The following BCL7B variants were observed in gnomAD, a reference collection of about 807,000 sequenced individuals.
BCL7B encodes the protein BAF chromatin remodeling complex subunit BCL7B, also known as B-cell CLL/lymphoma 7 protein family member B.
BCL7B carries 11 observed loss-of-function variants against 26.5 expected under a neutral mutation model. That is an observed-to-expected ratio of 0.42 (90% CI 0.26 to 0.69). The LOEUF (loss-of-function observed/expected upper bound fraction) is 0.69, where lower values mean the gene tolerates loss of function less well. Among genes scored for constraint, BCL7B ranks in the 30% least tolerant of loss-of-function variants. The pLI, the probability that BCL7B is intolerant of heterozygous loss-of-function variation, is 0.28. For missense variants in BCL7B, 215 were observed against 264.4 expected (o/e 0.81, Z 1.30); for synonymous variants, 111 against 107.9 (o/e 1.03, Z -0.18).
At chr7:73,545,940 G>C (rs986700035) in intron 2 of BCL7B, among the ~76,000 whole-genome samples, 1 of 152,098 alleles carries the variant, frequency 6.6e-6, no homozygotes, top group East Asian at 1.9e-4. Context: ...GACCATCCTG[G>C]CTAACACGGT....
chr7:73,551,222 T>G lies in BCL7B; in HGVS notation c.168+945A>C, dbSNP rs569796962. 3.3e-5 allele frequency among the ~76,000 whole-genome samples: 5 copies of G among 152,350 alleles called. No homozygotes were observed. In the South Asian group the frequency reaches 1.0e-3, roughly 32 times the overall value. ...GGCCATTTGGCCTTATGGCAACCAC[T>G]CAATCTGCCACTGTAATTCAAAAGC... On this transcript the variant is annotated intron_variant, in intron 2 of 5. Transcript: ENST00000223368.
rs782235492 is a variant in BCL7B at position 73,552,206 on chromosome 7, C to T, written c.129G>A (p.Leu43=). The T allele has an allele frequency of 4.5e-5, 73 of 1,610,922 alleles. No homozygotes were observed. Among genetic ancestry groups the T allele is most frequent in the Non-Finnish European group, 3.4e-6 (4 of 1,179,254 alleles). The change falls in exon 2 of 6, where the codon CTG becomes CTA. Residue 43 remains leucine (L), a synonymous_variant. Transcript: ENST00000223368. ...TCACAGGAACCCACTTAAATATCCT[C>T]AGGGACGTGTCACCCACAGTCACCC... ...KKWVTVGDTS[L]RIFKWVPVTD... is the part of the protein sequence containing the mutation.
At chr7:73,553,586 T>C (rs959103433) in intron 1 of BCL7B, 2 of 152,340 alleles carry the variant, frequency 1.3e-5, no homozygotes, top group East Asian at 1.9e-4. Context: ...GGCAGGAGAA[T>C]TGCTTGAACC....
At chr7:73,543,753 G>T in intron 2 of BCL7B, 109 bp from the exon 3 acceptor site, 273 of 713,776 alleles carry the variant, frequency 3.8e-4, no homozygotes, top group Middle Eastern at 8.4e-4. Flanking sequence ...GACTGAACAG[G>T]AAAAACGACA....
chr7:73,539,108 C>T (rs1237638055), intron 4 of BCL7B, among the ~76,000 whole-genome samples: 2 of 150,258 alleles, frequency 1.3e-5, no homozygotes, highest in African/African-American at 2.4e-5. Flanking sequence ...TACAGGCTTG[C>T]GCCACCATGC....
intron 2 of BCL7B, among the ~76,000 whole-genome samples, chr7:73,546,708 C>CA (rs1311554709): frequency 1.3e-5 from 2 of 151,002 alleles, no homozygotes; most frequent in Non-Finnish European, 2.9e-5. Flanking sequence ...CCAATTGAGG[C>CA]AATTTGTTAT....
At chr7:73,541,908 G>A (rs374766325) in intron 3 of BCL7B, among the ~76,000 whole-genome samples, 5 of 152,170 alleles carry the variant, frequency 3.3e-5, no homozygotes, top group Admixed American at 3.3e-4. Flanking sequence ...CAAGAGCTTC[G>A]TCATGCATGG....
At chr7:73,541,820 G>A (rs1335606238) in intron 3 of BCL7B, among the ~76,000 whole-genome samples, 1 of 152,168 alleles carries the variant, frequency 6.6e-6, no homozygotes, top group Non-Finnish European at 1.5e-5. Flanking sequence ...AACATAGGAA[G>A]TCCTTTCTGA....
intron 2 of BCL7B, among the ~76,000 whole-genome samples, chr7:73,548,949 A>ACAAC (rs1262064526): frequency 1.3e-5 from 2 of 152,140 alleles, no homozygotes; most frequent in East Asian, 3.8e-4. Context: ...AAACAAACAA[A>ACAAC]CAAAAAAAAC....
intron 2 of BCL7B, among the ~76,000 whole-genome samples, chr7:73,550,716 G>T (rs1202493127): frequency 7.3e-5 from 11 of 151,110 alleles, no homozygotes; most frequent in Admixed American, 7.3e-4. Flanking sequence ...GGAGTGCAGT[G>T]GTGCGATCTC....
chr7:73,546,148 A>G (rs1791948778), intron 2 of BCL7B, among the ~76,000 whole-genome samples: 1 of 151,198 alleles, frequency 6.6e-6, no homozygotes, highest in African/African-American at 2.4e-5. Flanking sequence ...AAAAAAAAAA[A>G]AGAAAGAAAA....
chr7:73,557,642 A>C lies in BCL7B; in HGVS notation c.-64T>G, dbSNP rs1179816293. On this transcript the variant is annotated 5_prime_UTR_variant, in exon 1 of 6. Coordinates refer to ENST00000223368, the MANE Select transcript of BCL7B (RefSeq NM_001707.4). ...CAAGACACCGGGGATCGCGCGCCTC[A>C]CGCGCCGCCGCCCGCCCGCCGCCGC... 1.2e-5 allele frequency: 12 copies of C among 985,270 alleles called. No individual in the cohort carries two copies. Among genetic ancestry groups the C allele is most frequent in the Non-Finnish European group, 1.1e-5 (9 of 792,288 alleles). The allele number at this position is 985,270 out of a possible 1,614,324, so 61.0% of individuals were successfully genotyped here.
rs781847978 is a variant in BCL7B, at chr7:73,538,007, G to A, written c.443C>T (p.Ser148Phe). The change falls in exon 5 of 6, where the codon TCC becomes TTC. Residue 148 changes from serine to phenylalanine, a missense_variant. Ser to Phe is a radical substitution (Grantham distance 155). Transcript: ENST00000223368. ...ATCAGCAACTTCCGAGGAGGGCAGG[G>A]AGGGCTCTGAAAAGGCAGTAGGGTC... ...TLGQEILEEPSLPSSEVADEP... is the reference protein window; with the variant it reads ...TLGQEILEEPFLPSSEVADEP... The A allele has an allele frequency of 6.3e-6, 10 of 1,599,326 alleles. No homozygotes were observed. The South Asian group carries it at 1.1e-4, about 18-fold the overall frequency.
intron 5 of BCL7B, 105 bp from the exon 6 acceptor site, chr7:73,537,495 TG>T: frequency 1.2e-6 from 1 of 809,322 alleles, no homozygotes; most frequent in Non-Finnish European, 2.0e-6. Context: ...TTCCAGCAGA[TG>T]ATCAAACATC....
chr7:73,545,849 T>C (rs1791933293), intron 2 of BCL7B, among the ~76,000 whole-genome samples: 1 of 151,772 alleles, frequency 6.6e-6, no homozygotes, highest in African/African-American at 2.4e-5. Flanking sequence ...AAAGGAAAAC[T>C]GGCCGGGCGC....
intron 3 of BCL7B, among the ~76,000 whole-genome samples, chr7:73,540,829 C>CAAAAAAAAAAAAAAAAAAAAAAAAAA (rs56111929): frequency 2.0e-5 from 1 of 50,942 alleles, no homozygotes; most frequent in African/African-American, 8.1e-5. Flanking sequence ...GACTCTGTCT[C>CAAAAAAAAAAAAAAAAAAAAAAAAAA]AAAAAAAAAA....
chr7:73,543,654 G>GA lies in BCL7B; in HGVS notation c.169-11dup. ...ATTTTGACTTTTCTTTCTAGAAAAG[G>GA]AAAAAAAGAGGAATATGACAGAGCC... On this transcript the variant is annotated splice_polypyrimidine_tract_variant and intron_variant, in intron 2 of 5. Coordinates refer to ENST00000223368, the MANE Select transcript of BCL7B (RefSeq NM_001707.4). The GA allele has an allele frequency of 1.9e-6, 3 of 1,596,018 alleles. No homozygotes were observed. Among genetic ancestry groups the GA allele is most frequent in the Non-Finnish European group, 2.6e-6 (3 of 1,168,094 alleles).
At chr7:73,550,744 G>A (rs919077460) in intron 2 of BCL7B, among the ~76,000 whole-genome samples, 6 of 150,898 alleles carry the variant, frequency 4.0e-5, no homozygotes, top group East Asian at 2.0e-4. Context: ...TGCAAGCTCC[G>A]CCTCCTGGGT....
chr7:73,541,134 G>A (rs1791757091), intron 3 of BCL7B, among the ~76,000 whole-genome samples: 2 of 152,038 alleles, frequency 1.3e-5, no homozygotes, highest in South Asian at 2.1e-4. Context: ...GTGACATGGC[G>A]AGACTCCGTC....
Sources: allele counts gnomAD v4.1 joint callset (sites outside exome capture counted in the v4.1 genomes callset), GRCh38; gene constraint gnomAD v4.1.1; transcripts MANE v1.5; gene names NCBI Gene and HGNC (gene_info 2026-07-23, HGNC 2026-07-21).